Variants in CCDC7 observed in about 807,000 individuals in gnomAD.
CCDC7 encodes the protein coiled-coil domain-containing protein 7.
In CCDC7, 183 loss-of-function variants were observed where a neutral mutation model predicts 196.9. That is an observed-to-expected ratio of 0.93 (90% CI 0.82 to 1.05). CCDC7 has a LOEUF of 1.05. Ranked by LOEUF, CCDC7 falls within the 50% of genes least tolerant of loss-of-function variation. The pLI, the probability that CCDC7 is intolerant of heterozygous loss-of-function variation, is 0.00. For missense variants in CCDC7, 1,540 were observed against 1,482.2 expected (o/e 1.04, Z -0.64); for synonymous variants, 525 against 484.6 (o/e 1.08, Z -1.10).
chr10:32,457,322 GATTTA>G (rs1179233312), intron 3 of CCDC7, among the ~76,000 whole-genome samples: 1 of 152,070 alleles, frequency 6.6e-6, no homozygotes, highest in Non-Finnish European at 1.5e-5. Flanking sequence ...TGAATGACAG[GATTTA>G]ATTCTTTTTT....
rs1555071224 is a variant in CCDC7 at position 32,729,256 on chromosome 10, C to T, written c.2780-76C>T. 4.4e-6 allele frequency: 6 copies of T among 1,361,280 alleles called. No homozygotes were observed. The South Asian group carries it at 7.0e-5, about 16-fold the overall frequency. The allele number at this position is 1,361,280 out of a possible 1,614,324, so 84.3% of individuals were successfully genotyped here. A position where few individuals can be genotyped will look rare whatever the true frequency, so the allele number is the denominator to read the frequency against. On this transcript the variant is annotated intron_variant, in intron 27 of 41. Transcript: ENST00000639629. Reference sequence around the variant, plus strand: ...CTATTCACATGATTTTCTCATTTTACTTCCATGGGTTGAAATTCTGATGAT... The same window carrying T: ...CTATTCACATGATTTTCTCATTTTATTTCCATGGGTTGAAATTCTGATGAT...
intron 41 of CCDC7, among the ~76,000 whole-genome samples, chr10:32,857,623 G>A (rs1048789678): frequency 2.6e-5 from 4 of 152,032 alleles, no homozygotes; most frequent in Admixed American, 1.3e-4. Context: ...ATGGGAAGCA[G>A]CAAAAGTAAT....
At chr10:32,783,903 T>C (rs1291509389) in intron 29 of CCDC7, among the ~76,000 whole-genome samples, 1 of 152,126 alleles carries the variant, frequency 6.6e-6, no homozygotes, top group Admixed American at 6.5e-5. Flanking sequence ...AAAAGATAAA[T>C]ATTGTATCTT....
chr10:32,688,996 C>A (rs1394534991), intron 22 of CCDC7, 57 bp from the exon 24 acceptor site: 1 of 1,115,624 alleles, frequency 9.0e-7, no homozygotes, highest in Non-Finnish European at 1.3e-6. Context: ...TTGAAATCTA[C>A]AGATTTCAAA....
At chr10:32,833,534 A>G (rs1356749743) in intron 32 of CCDC7, among the ~76,000 whole-genome samples, 8 of 152,070 alleles carry the variant, frequency 5.3e-5, no homozygotes, top group Admixed American at 3.3e-4. Context: ...CTCATTACTG[A>G]TCTAAGAAAC....
At chr10:32,533,504 A>G (rs1404941751) in intron 11 of CCDC7, among the ~76,000 whole-genome samples, 3 of 151,978 alleles carry the variant, frequency 2.0e-5, no homozygotes, top group African/African-American at 7.2e-5. Flanking sequence ...ATACCTGGAA[A>G]AGTTTTTTTT....
At chr10:32,548,951 T>C (rs1361300912) in intron 13 of CCDC7, among the ~76,000 whole-genome samples, 1 of 152,214 alleles carries the variant, frequency 6.6e-6, no homozygotes, top group African/African-American at 2.4e-5. Context: ...CTGGATCAAA[T>C]GGTAGTTCTA....
At chr10:32,600,292 A>G (rs2060857474) in intron 18 of CCDC7, among the ~76,000 whole-genome samples, 1 of 128,188 alleles carries the variant, frequency 7.8e-6, no homozygotes, top group African/African-American at 3.1e-5. Flanking sequence ...TTTGTTGCGT[A>G]TATTTCTAGT....
At chr10:32,688,461 C>A (rs183556434) in intron 22 of CCDC7, among the ~76,000 whole-genome samples, 12 of 152,118 alleles carry the variant, frequency 7.9e-5, no homozygotes, top group Admixed American at 1.3e-4. Context: ...AGATAGATAT[C>A]TCCCCATATT....
intron 15 of CCDC7, among the ~76,000 whole-genome samples, chr10:32,569,757 C>T (rs570208271): frequency 6.6e-6 from 1 of 152,194 alleles, no homozygotes; most frequent in South Asian, 2.1e-4. Flanking sequence ...CTCATTTGTC[C>T]TCTTAGCAGC....
intron 30 of CCDC7, among the ~76,000 whole-genome samples, chr10:32,806,963 G>A (rs1463820420): frequency 6.6e-6 from 1 of 151,990 alleles, no homozygotes; most frequent in Non-Finnish European, 1.5e-5. Flanking sequence ...GAAGGCATTG[G>A]GACAGCACAT....
intron 25 of CCDC7, among the ~76,000 whole-genome samples, chr10:32,713,630 C>A (rs540864395): frequency 3.9e-5 from 6 of 152,218 alleles, no homozygotes; most frequent in African/African-American, 1.4e-4. Flanking sequence ...ACCATATGGA[C>A]CTTAGTGCCT....
At chr10:32,719,059 A>G (rs570440281) in intron 25 of CCDC7, among the ~76,000 whole-genome samples, 3 of 152,360 alleles carry the variant, frequency 2.0e-5, no homozygotes, top group Non-Finnish European at 2.9e-5. Flanking sequence ...AAGAGCCCGT[A>G]TAGTCAAGAC....
chr10:32,457,689 A>G (rs1180993932), intron 3 of CCDC7, among the ~76,000 whole-genome samples: 2 of 152,088 alleles, frequency 1.3e-5, no homozygotes, highest in African/African-American at 4.8e-5. Context: ...CCTTGTCAGT[A>G]TTTATTATCT....
At position 32,482,895 on chromosome 10, in the gene CCDC7, T is replaced by C. The variant is rs563174683; in HGVS notation, c.796+8872T>C. ...TGCCACATTTTCTTAATCCAGTCTA[T>C]CATTGTTGGACATTTGGGTTGGTTC... On this transcript the variant is annotated intron_variant, in intron 8 of 41. Transcript: ENST00000639629. Among the ~76,000 whole-genome samples, 28 of 152,314 alleles carry C rather than the reference T, an allele frequency of 1.8e-4. No homozygotes were observed. The South Asian group carries it at 2.3e-3, about 12-fold the overall frequency.
intron 11 of CCDC7, among the ~76,000 whole-genome samples, chr10:32,519,439 T>A (rs2047541184): frequency 6.6e-6 from 1 of 152,152 alleles, no homozygotes; most frequent in South Asian, 2.1e-4. Flanking sequence ...GTTTTGTCTC[T>A]AATTCTGCTC....
At chr10:32,841,104 A>G (rs2092944961) in intron 33 of CCDC7, among the ~76,000 whole-genome samples, 1 of 151,944 alleles carries the variant, frequency 6.6e-6, no homozygotes, top group Admixed American at 6.6e-5. Context: ...AAGGATGCCT[A>G]CTCTCACCAC....
At chr10:32,488,934 T>C (rs2041713477) in intron 8 of CCDC7, among the ~76,000 whole-genome samples, 1 of 152,156 alleles carries the variant, frequency 6.6e-6, no homozygotes, top group Non-Finnish European at 1.5e-5. Context: ...GGCAGTTTAG[T>C]GTTCATGTAG....
intron 11 of CCDC7, among the ~76,000 whole-genome samples, chr10:32,525,776 T>C (rs1396433460): frequency 6.6e-6 from 1 of 152,258 alleles, no homozygotes; most frequent in African/African-American, 2.4e-5. Flanking sequence ...AGGTATCACC[T>C]TGATGGTCTT....
Sources: allele counts gnomAD v4.1 joint callset (sites outside exome capture counted in the v4.1 genomes callset), GRCh38; gene constraint gnomAD v4.1.1; transcripts MANE v1.5; gene names NCBI Gene and HGNC (gene_info 2026-07-23, HGNC 2026-07-21).